DPH6: variants seen among roughly 807,000 people sequenced by gnomAD.
The protein encoded by DPH6 is diphthine--ammonia ligase.
DPH6 carries 33 observed loss-of-function variants against 38.2 expected under a neutral mutation model. That is an observed-to-expected ratio of 0.86 (90% CI 0.65 to 1.15). The LOEUF (loss-of-function observed/expected upper bound fraction) is 1.15, where lower values mean the gene tolerates loss of function less well. DPH6 is among the 50% of genes most tolerant of loss of function. The probability of loss-of-function intolerance (pLI) is 0.00; values close to 1 mark genes in which losing one functional copy is unlikely to be tolerated. For missense variants in DPH6, 325 were observed against 320.0 expected (o/e 1.02, Z -0.12); for synonymous variants, 108 against 103.0 (o/e 1.05, Z -0.30).
chr15:35,523,766 T>C (rs1307206713), intron 3 of DPH6, among the ~76,000 whole-genome samples: 1 of 152,116 alleles, frequency 6.6e-6, no homozygotes, highest in South Asian at 2.1e-4. Context: ...AAGTTCCTCA[T>C]GCTATTATCT....
chr15:35,201,362 T>A, the DPH6 span, among the ~76,000 whole-genome samples: 1 of 151,878 alleles, frequency 6.6e-6, no homozygotes, highest in Non-Finnish European at 1.5e-5. Context: ...CTAGGTGCAG[T>A]AGTACCATAC....
intron 3 of DPH6, among the ~76,000 whole-genome samples, chr15:35,279,167 T>A (rs970020585): frequency 2.0e-5 from 3 of 151,702 alleles, no homozygotes; most frequent in Non-Finnish European, 1.5e-5. Context: ...TTTGGGGTGA[T>A]TTCTCCATTT....
intron 3 of DPH6, among the ~76,000 whole-genome samples, chr15:35,456,251 A>C (rs2053994553): frequency 6.6e-6 from 1 of 152,020 alleles, no homozygotes; most frequent in African/African-American, 2.4e-5. Context: ...ATTAAATGTA[A>C]ATACAGTATA....
chr15:35,443,218 A>T (rs1285977396), intron 5 of DPH6, among the ~76,000 whole-genome samples: 1 of 152,210 alleles, frequency 6.6e-6, no homozygotes, highest in Non-Finnish European at 1.5e-5. Flanking sequence ...TAGCATTGTT[A>T]TTCTGAAATT....
intron 5 of DPH6, among the ~76,000 whole-genome samples, chr15:35,448,349 T>A (rs1595374233): frequency 1.3e-5 from 2 of 152,276 alleles, no homozygotes; most frequent in East Asian, 1.9e-4. Flanking sequence ...GATTTTCTAA[T>A]AAATAATATC....
chr15:35,537,543 T>C (rs2055188769), intron 3 of DPH6, among the ~76,000 whole-genome samples: 1 of 152,162 alleles, frequency 6.6e-6, no homozygotes, highest in Middle Eastern at 3.2e-3. Context: ...CTGAGTATAG[T>C]AACTATTAGA....
chr15:35,529,314 G>A (rs1432329233), intron 3 of DPH6, among the ~76,000 whole-genome samples: 2 of 152,110 alleles, frequency 1.3e-5, no homozygotes, highest in Non-Finnish European at 2.9e-5. Flanking sequence ...ATGGCCAGCA[G>A]GAGAGAGTGA....
the DPH6 span, among the ~76,000 whole-genome samples, chr15:35,192,521 A>G: frequency 4.6e-5 from 7 of 152,130 alleles, no homozygotes; most frequent in South Asian, 1.5e-3. Context: ...TGTGTGAACA[A>G]TGCTCTAAGC....
At chr15:35,432,887 CA>C in intron 5 of DPH6, among the ~76,000 whole-genome samples, 1 of 152,118 alleles carries the variant, frequency 6.6e-6, no homozygotes, top group Admixed American at 6.5e-5. Flanking sequence ...CGGTGAGGGT[CA>C]AAAAACTGTC....
At chr15:35,515,843 A>AGG (rs1378164774) in intron 3 of DPH6, among the ~76,000 whole-genome samples, 1 of 151,980 alleles carries the variant, frequency 6.6e-6, no homozygotes, top group African/African-American at 2.4e-5. Flanking sequence ...GGCTGCAGTG[A>AGG]ATTATGCTTG....
chr15:35,497,914 A>G (rs752477993), intron 3 of DPH6, among the ~76,000 whole-genome samples: 6 of 152,216 alleles, frequency 3.9e-5, no homozygotes, highest in Non-Finnish European at 5.9e-5. Flanking sequence ...TGAATTGATG[A>G]TAACAAACCG....
At position 35,546,087 on chromosome 15, in the gene DPH6, G is replaced by C; in HGVS notation, c.23+32C>G. The C allele has an allele frequency of 3.6e-6, 5 of 1,378,134 alleles. No homozygotes were observed. The South Asian group carries it at 5.2e-5, about 14-fold the overall frequency. The allele number at this position is 1,378,134 out of a possible 1,614,324, so 85.4% of individuals were successfully genotyped here. A position where few individuals can be genotyped will look rare whatever the true frequency, so the allele number is the denominator to read the frequency against. ...CTGGAAGGGACGAGAGCCTGGCCTA[G>C]GAGGAAGGAGGCGGCTCCAGGACCG... On this transcript the variant is annotated intron_variant, in intron 1 of 8. Coordinates refer to ENST00000256538, the MANE Select transcript of DPH6 (RefSeq NM_080650.4).
At chr15:35,417,979 C>T (rs1392996225) in intron 5 of DPH6, among the ~76,000 whole-genome samples, 1 of 152,088 alleles carries the variant, frequency 6.6e-6, no homozygotes, top group Non-Finnish European at 1.5e-5. Flanking sequence ...GAAAAAGCCA[C>T]AACAGCTCAT....
At chr15:35,469,535 T>C (rs1049543156) in intron 3 of DPH6, among the ~76,000 whole-genome samples, 4 of 152,148 alleles carry the variant, frequency 2.6e-5, no homozygotes, top group Admixed American at 2.0e-4. Context: ...GAGTAATAGA[T>C]TCTGGTGTTA....
downstream of DPH6, among the ~76,000 whole-genome samples, chr15:35,329,642 ACAAG>A (rs1423215264): frequency 1.3e-5 from 2 of 152,184 alleles, no homozygotes; most frequent in Non-Finnish European, 1.5e-5. Flanking sequence ...AAAGGCTTGT[ACAAG>A]CAGATGATCA....
Position 35,512,536 on chromosome 15 carries a change from C to T in DPH6, c.312+25738G>A, listed in dbSNP as rs2054789405. On this transcript the variant is annotated intron_variant, in intron 3 of 8. Transcript: ENST00000256538. ...GCCCCCTTAAATCCCTGGAAACTGACTTCTCACAATAAGGGGAAAAAGTCA... is the reference window on the plus strand; with the variant it reads ...GCCCCCTTAAATCCCTGGAAACTGATTTCTCACAATAAGGGGAAAAAGTCA... 1.3e-5 allele frequency among the ~76,000 whole-genome samples: 2 copies of T among 152,096 alleles called. 1 individual carries two copies. Among genetic ancestry groups the T allele is most frequent in the South Asian group, 4.1e-4 (2 of 4,832 alleles).
At chr15:35,327,604 C>A (rs571720459), downstream of DPH6, among the ~76,000 whole-genome samples, 1 of 152,216 alleles carries the variant, frequency 6.6e-6, no homozygotes, top group South Asian at 2.1e-4. Context: ...CTCGGCCTCC[C>A]CAAGTGCCAC....
At chr15:35,210,945 A>ATT in the DPH6 span, among the ~76,000 whole-genome samples, 3 of 105,926 alleles carry the variant, frequency 2.8e-5, no homozygotes, top group South Asian at 2.8e-4. Flanking sequence ...TAGATAGATC[A>ATT]CTTTTTTTTT....
intron 3 of DPH6, among the ~76,000 whole-genome samples, chr15:35,508,539 C>CA (rs2054726545): frequency 6.6e-6 from 1 of 152,116 alleles, no homozygotes; most frequent in Admixed American, 6.6e-5. Flanking sequence ...TTCCATTTCA[C>CA]TGGGCTTAAA....
Sources: gnomAD v4.1 joint callset for allele counts (sites outside exome capture counted in the v4.1 genomes callset) on GRCh38, gnomAD v4.1.1 for gene constraint, MANE v1.5 for transcripts, NCBI Gene and HGNC (gene_info 2026-07-23, HGNC 2026-07-21) for gene names.